HAVCR1: variants seen among roughly 807,000 people sequenced by gnomAD.
HAVCR1 encodes hepatitis A virus cellular receptor 1.
A neutral mutation model predicts 32.0 loss-of-function variants in HAVCR1; 34 were observed. The observed-to-expected ratio is 1.06, with a 90% CI of 0.81 to 1.42. HAVCR1 has a LOEUF of 1.42. HAVCR1 is among the 40% of genes most tolerant of loss of function. The pLI is 0.00. For missense variants in HAVCR1, 420 were observed against 442.3 expected (o/e 0.95, Z 0.45); for synonymous variants, 178 against 170.3 (o/e 1.05, Z -0.35).
chr5:157,040,878 C>T (rs1021509111), intron 6 of HAVCR1, among the ~76,000 whole-genome samples: 7 of 151,300 alleles, frequency 4.6e-5, no homozygotes, highest in Admixed American at 1.3e-4. Flanking sequence ...CCAGCCTGGG[C>T]GATGAAAGTA....
chr5:157,055,874 A>C (rs28446302), intron 2 of HAVCR1, among the ~76,000 whole-genome samples: 2,161 of 88,566 alleles, frequency 0.024, 61 homozygotes, highest in African/African-American at 0.067. Context: ...CCCCTCCCCC[A>C]AAAAAAAATT....
intron 6 of HAVCR1, among the ~76,000 whole-genome samples, chr5:157,042,098 AC>A (rs927355102): frequency 2.0e-5 from 3 of 151,904 alleles, no homozygotes; most frequent in Non-Finnish European, 4.4e-5. Context: ...TTTTCTCCCA[AC>A]AGAAAGTCTG....
chr5:157,061,218 C>G (rs1470786211), upstream of HAVCR1, among the ~76,000 whole-genome samples: 1 of 152,074 alleles, frequency 6.6e-6, no homozygotes, highest in Non-Finnish European at 1.5e-5. Context: ...TATTTAATTT[C>G]ATTTTAATTA....
chr5:157,056,556 A>G (rs774888606), intron 2 of HAVCR1, among the ~76,000 whole-genome samples: 4 of 151,210 alleles, frequency 2.6e-5, no homozygotes, highest in East Asian at 3.9e-4. Context: ...ATTTTTTTGT[A>G]TTTTTAGTAG....
At chr5:157,066,221 A>G in the HAVCR1 span, among the ~76,000 whole-genome samples, 3 of 152,126 alleles carry the variant, frequency 2.0e-5, no homozygotes, top group Non-Finnish European at 2.9e-5. Context: ...AAGGAAAGGA[A>G]TAAGATTTGT....
chr5:157,036,274 C>T (rs778202270), intron 7 of HAVCR1, among the ~76,000 whole-genome samples: 2 of 151,984 alleles, frequency 1.3e-5, no homozygotes, highest in African/African-American at 4.8e-5. Flanking sequence ...GTCAGGAGAT[C>T]GAGACCATCC....
At chr5:157,030,461 G>C (rs957081384) in intron 8 of HAVCR1, among the ~76,000 whole-genome samples, 1 of 152,280 alleles carries the variant, frequency 6.6e-6, no homozygotes, top group East Asian at 1.9e-4. Flanking sequence ...AGGCCAGCGT[G>C]AGCAACATAG....
intron 5 of HAVCR1, 72 bp downstream of exon 5, chr5:157,048,966 G>A: frequency 1.2e-6 from 1 of 861,850 alleles, no homozygotes; most frequent in Non-Finnish European, 2.0e-6. Flanking sequence ...TCCAGAGCGT[G>A]TGCTCTCAAC....
chr5:157,042,752 T>C (rs1264128391), intron 5 of HAVCR1, 70 bp from the exon 6 acceptor site: 1 of 900,106 alleles, frequency 1.1e-6, no homozygotes, highest in South Asian at 1.4e-5. Context: ...ACACTAAATA[T>C]ATTCACATTA....
intron 5 of HAVCR1, among the ~76,000 whole-genome samples, chr5:157,043,124 T>C (rs904281779): frequency 5.0e-5 from 7 of 139,150 alleles, no homozygotes; most frequent in African/African-American, 1.7e-4. Flanking sequence ...GGACATCATA[T>C]TGGTTTTATA....
At chr5:157,034,826 C>T (rs532590760) in intron 7 of HAVCR1, among the ~76,000 whole-genome samples, 39 of 152,274 alleles carry the variant, frequency 2.6e-4, no homozygotes, top group African/African-American at 9.4e-4. Context: ...TGAGTCAACA[C>T]AGCACATGTT....
chr5:157,041,661 T>C (rs1754901762), intron 6 of HAVCR1, among the ~76,000 whole-genome samples: 2 of 152,238 alleles, frequency 1.3e-5, no homozygotes, highest in Non-Finnish European at 2.9e-5. Flanking sequence ...TACATTTTAC[T>C]TTTGTTTGGG....
intron 2 of HAVCR1, among the ~76,000 whole-genome samples, chr5:157,057,453 AAGAAAG>A (rs2113648246): frequency 1.8e-5 from 2 of 109,904 alleles, no homozygotes; most frequent in African/African-American, 6.6e-5. Flanking sequence ...GAAAGAAAGA[AAGAAAG>A]AAAGAGAATT....
chr5:157,067,745 A>G, the HAVCR1 span, among the ~76,000 whole-genome samples: 1 of 151,874 alleles, frequency 6.6e-6, no homozygotes, highest in Non-Finnish European at 1.5e-5. Context: ...CTGGAGTGCA[A>G]TGGCTCGATC....
the HAVCR1 span, among the ~76,000 whole-genome samples, chr5:157,068,226 A>G: frequency 6.6e-6 from 1 of 152,026 alleles, no homozygotes; most frequent in African/African-American, 2.4e-5. Context: ...GTGAGCTGAG[A>G]TGGAGCCACT....
rs185871405 is a variant in HAVCR1 at position 157,030,480 on chromosome 5, C to T, written c.987-639G>A. ...CAGCGTGAGCAACATAGCGAGACCC[C>T]GTCTCTACAGATTTTTTTTTTAATT... On this transcript the variant is annotated intron_variant, in intron 8 of 8. Transcript: ENST00000523175. Among the ~76,000 whole-genome samples the T allele has an allele frequency of 2.0e-3, 307 of 152,188 alleles. 2 individuals carry two copies. Among genetic ancestry groups the T allele is most frequent in the African/African-American group, 6.5e-3 (268 of 41,538 alleles).
At chr5:157,056,873 A>C (rs567654241) in intron 2 of HAVCR1, among the ~76,000 whole-genome samples, 6 of 152,258 alleles carry the variant, frequency 3.9e-5, no homozygotes, top group African/African-American at 1.4e-4. Flanking sequence ...CTCTTTCCTT[A>C]TCTCATAGAA....
intron 1 of HAVCR1, chr5:157,058,257 A>G (rs1756344899): frequency 3.7e-6 from 1 of 272,536 alleles, no homozygotes; most frequent in South Asian, 6.5e-5. Context: ...ACAGGGTATC[A>G]GGGGAACAAA....
intron 4 of HAVCR1, among the ~76,000 whole-genome samples, chr5:157,049,419 T>C (rs1190902162): frequency 6.6e-6 from 1 of 152,254 alleles, no homozygotes; most frequent in African/African-American, 2.4e-5. Flanking sequence ...ATGTTCCACA[T>C]AGTCAATATA....
Sources: allele counts gnomAD v4.1 joint callset (sites outside exome capture counted in the v4.1 genomes callset), GRCh38; gene constraint gnomAD v4.1.1; transcripts MANE v1.5; gene names NCBI Gene and HGNC (gene_info 2026-07-23, HGNC 2026-07-21).